BIRC6: variants seen among roughly 807,000 people sequenced by gnomAD.
BIRC6 encodes the protein baculoviral IAP repeat containing 6, also known as dual E2 ubiquitin-conjugating enzyme/E3 ubiquitin-protein ligase BIRC6.
Under a neutral mutation model 503.3 loss-of-function variants are expected in BIRC6, and 98 were observed. That is an observed-to-expected ratio of 0.19 (90% confidence interval 0.17 to 0.23). The LOEUF is 0.23. Among genes scored for constraint, BIRC6 ranks in the 10% least tolerant of loss-of-function variants. The probability of loss-of-function intolerance (pLI) is 1.00; values close to 1 mark genes in which losing one functional copy is unlikely to be tolerated. For synonymous variants in BIRC6, 2,240 were observed against 2,078.7 expected (o/e 1.08, Z -2.11); for missense variants, 5,360 against 5,806.0 (o/e 0.92, Z 2.50).
At chr2:32,466,192 A>G (rs1010995918) in intron 26 of BIRC6, among the ~76,000 whole-genome samples, 26 of 152,150 alleles carry the variant, frequency 1.7e-4, no homozygotes, top group African/African-American at 6.3e-4. Flanking sequence ...AGTTTAATTT[A>G]GTTGTTTTCC....
intron 66 of BIRC6, among the ~76,000 whole-genome samples, chr2:32,584,937 G>A (rs898090776): frequency 1.8e-4 from 27 of 152,056 alleles, no homozygotes; most frequent in African/African-American, 5.8e-4. Context: ...ATCGCTTTGT[G>A]ATTGAAACCC....
intron 30 of BIRC6, 107 bp from the exon 31 acceptor site, chr2:32,470,061 A>G: frequency 9.9e-7 from 1 of 1,006,502 alleles, no homozygotes; most frequent in Non-Finnish European, 1.3e-6. Context: ...GTTTTAAGAA[A>G]GCAAATATTC....
intron 23 of BIRC6, among the ~76,000 whole-genome samples, chr2:32,457,518 T>C (rs2047383709): frequency 6.6e-6 from 1 of 152,174 alleles, no homozygotes; most frequent in Admixed American, 6.5e-5. Context: ...GTATGTACTC[T>C]GATTCCAGAA....
chr2:32,476,117 ATT>A, intron 33 of BIRC6, 94 bp from the exon 34 acceptor site: 1 of 875,466 alleles, frequency 1.1e-6, no homozygotes, highest in South Asian at 2.0e-5. Context: ...GATAATGTGC[ATT>A]CCATTAGTTT....
intron 65 of BIRC6, among the ~76,000 whole-genome samples, chr2:32,573,894 C>G (rs1035772710): frequency 6.6e-6 from 1 of 152,084 alleles, no homozygotes; most frequent in Non-Finnish European, 1.5e-5. Flanking sequence ...ATGTTTCCAG[C>G]CATAATATAT....
intron 66 of BIRC6, among the ~76,000 whole-genome samples, chr2:32,587,588 G>A (rs867674917): frequency 4.5e-4 from 68 of 151,108 alleles, no homozygotes; most frequent in African/African-American, 1.6e-3. Context: ...GCCAGGCGTG[G>A]TGGTGTGCAC....
chr2:32,466,462 T>G (rs955954755), intron 26 of BIRC6, among the ~76,000 whole-genome samples: 3 of 152,200 alleles, frequency 2.0e-5, no homozygotes, highest in African/African-American at 7.2e-5. Flanking sequence ...CAAGGCCTTT[T>G]TCAGTGGTAT....
intron 57 of BIRC6, among the ~76,000 whole-genome samples, chr2:32,520,121 G>C (rs114237266): frequency 0.017 from 2,517 of 152,256 alleles, 53 homozygotes; most frequent in African/African-American, 0.058. Context: ...AAGAATAGGA[G>C]TATCTAAGAA....
chr2:32,403,660 G>GT (rs1289189579), intron 8 of BIRC6, among the ~76,000 whole-genome samples: 1 of 152,056 alleles, frequency 6.6e-6, no homozygotes, highest in East Asian at 1.9e-4. Flanking sequence ...TAGTATGTCT[G>GT]TTTTTCAGAA....
At chr2:32,379,043 A>T (rs1217004976) in intron 2 of BIRC6, 1 of 152,226 alleles carries the variant, frequency 6.6e-6, no homozygotes, top group Non-Finnish European at 1.5e-5. Context: ...GTTATCAAAA[A>T]AGTATGTCCA....
chr2:32,467,657 G>A lies in BIRC6; in HGVS notation c.5489G>A (p.Arg1830Gln), dbSNP rs1339711786. ...TTAGGAGAAGAGGTGGATGGAAGGC[G>A]GTTGGTAGTGGCAACTGATATAAGC... is the stretch of plus-strand genomic sequence containing the variant. Reference protein sequence around the residue: ...WTLGEEVDGRRLVVATDISTH... With the variant: ...WTLGEEVDGRQLVVATDISTH... Residue 1830 changes from arginine (R) to glutamine (Q), a missense_variant, in exon 27 of 74, where the codon CGG (arginine) becomes CAG (glutamine). Transcript: ENST00000421745. The A allele has an allele frequency of 2.5e-6, 4 of 1,613,836 alleles. No individual in the cohort carries two copies. Among genetic ancestry groups the A allele is most frequent in the Non-Finnish European group, 3.4e-6 (4 of 1,179,856 alleles).
chr2:32,421,365 A>C (rs935143746), intron 10 of BIRC6, among the ~76,000 whole-genome samples: 1 of 151,966 alleles, frequency 6.6e-6, no homozygotes, highest in Non-Finnish European at 1.5e-5. Flanking sequence ...TTGACCTCCC[A>C]AAGTGCTGGG....
chr2:32,477,302 A>C (rs899953647), intron 34 of BIRC6, 66 bp from the exon 35 acceptor site: 2 of 1,510,512 alleles, frequency 1.3e-6, no homozygotes, highest in Admixed American at 3.7e-5. Flanking sequence ...TCATTACATA[A>C]ATCTATACTG....
intron 49 of BIRC6, among the ~76,000 whole-genome samples, chr2:32,503,609 A>G (rs962981650): frequency 2.5e-4 from 38 of 151,956 alleles, no homozygotes; most frequent in African/African-American, 8.0e-4. Flanking sequence ...TTTAGTGGAG[A>G]CAGGGTTTCA....
chr2:32,389,923 G>C (rs62136275), intron 4 of BIRC6, among the ~76,000 whole-genome samples: 13,355 of 149,782 alleles, frequency 0.089, 821 homozygotes, highest in Non-Finnish European at 0.12. Flanking sequence ...GCAATGGCAC[G>C]ATCTCGGCTC....
At chr2:32,500,364 G>C (rs940853228) in intron 46 of BIRC6, among the ~76,000 whole-genome samples, 4 of 150,412 alleles carry the variant, frequency 2.7e-5, no homozygotes, top group African/African-American at 9.8e-5. Flanking sequence ...AGCAATTCTC[G>C]TGCCTCAGCC....
intron 72 of BIRC6, among the ~76,000 whole-genome samples, chr2:32,608,156 G>T (rs2062599588): frequency 1.3e-5 from 2 of 151,090 alleles, no homozygotes; most frequent in South Asian, 2.1e-4. Flanking sequence ...ATTTAGCTGG[G>T]CATGGTGGCA....
At chr2:32,561,729 A>C (rs1320183700) in intron 65 of BIRC6, among the ~76,000 whole-genome samples, 1 of 146,436 alleles carries the variant, frequency 6.8e-6, no homozygotes, top group Non-Finnish European at 1.5e-5. Flanking sequence ...TCATGTATAT[A>C]TATATATATA....
At chr2:32,531,774 A>T (rs2056779157) in intron 61 of BIRC6, among the ~76,000 whole-genome samples, 1 of 152,240 alleles carries the variant, frequency 6.6e-6, no homozygotes, top group Non-Finnish European at 1.5e-5. Flanking sequence ...TGCCAGACTT[A>T]CTACACTGTT....
Sources: gnomAD v4.1 joint callset for allele counts (sites outside exome capture counted in the v4.1 genomes callset) on GRCh38, gnomAD v4.1.1 for gene constraint, MANE v1.5 for transcripts, NCBI Gene and HGNC (gene_info 2026-07-23, HGNC 2026-07-21) for gene names.